The following PTPRM variants were observed in gnomAD, a reference collection of about 807,000 sequenced individuals.
PTPRM encodes the protein protein tyrosine phosphatase receptor type M.
In PTPRM, 47 loss-of-function variants were observed where a neutral mutation model predicts 186.7. The observed-to-expected ratio is 0.25, with a 90% CI of 0.20 to 0.32. The LOEUF is 0.32. Among genes scored for constraint, PTPRM ranks in the 10% least tolerant of loss-of-function variants. The pLI, the probability that PTPRM is intolerant of heterozygous loss-of-function variation, is 1.00. For synonymous variants in PTPRM, 668 were observed against 674.9 expected (o/e 0.99, Z 0.16); for missense variants, 1,494 against 1,865.0 (o/e 0.80, Z 3.66).
At chr18:7,802,376 GGACGGTAAA>G (rs1285265548) in intron 2 of PTPRM, among the ~76,000 whole-genome samples, 1 of 152,158 alleles carries the variant, frequency 6.6e-6, no homozygotes. Flanking sequence ...TAAGGGCAGA[GGACGGTAAA>G]GATGATGCCA....
intron 13 of PTPRM, 145 bp downstream of exon 13, chr18:8,114,972 T>C (rs2091899888): frequency 1.6e-6 from 1 of 618,444 alleles, no homozygotes. Flanking sequence ...CATGAATGCA[T>C]GTATGTATTA....
At position 8,088,756 on chromosome 18, in the gene PTPRM, T is replaced by A; in HGVS notation, c.1761T>A (p.Ser587=). 1 of 1,611,262 alleles carries A rather than the reference T, an allele frequency of 6.2e-7. No homozygotes were observed. The highest frequency in any genetic ancestry group is 1.7e-5 in the Admixed American group (1 of 59,924). The change falls in exon 11 of 33, where the codon TCT becomes TCA. Residue 587 remains serine (S), a synonymous_variant. Transcript: ENST00000580170. Reference sequence around the variant, plus strand: ...CTACGCCTTTTTCCCCAGCACCCTCTATGCCAGCTTATGAACTTGAGACAC... The same window carrying A: ...CTACGCCTTTTTCCCCAGCACCCTCAATGCCAGCTTATGAACTTGAGACAC... ...NQFTTKISAP[S]MPAYELETPL...
chr18:8,262,191 C>T (rs925490637), intron 19 of PTPRM, among the ~76,000 whole-genome samples: 3 of 152,214 alleles, frequency 2.0e-5, no homozygotes, highest in African/African-American at 7.2e-5. Context: ...CTCTCCCCTC[C>T]CCTAGGGCCT....
At chr18:8,153,304 C>A (rs2093052379) in intron 14 of PTPRM, among the ~76,000 whole-genome samples, 1 of 152,144 alleles carries the variant, frequency 6.6e-6, no homozygotes, top group South Asian at 2.1e-4. Flanking sequence ...ACTAATCCTC[C>A]AAGGGTCTAT....
chr18:7,975,740 A>G (rs959886818), intron 7 of PTPRM, among the ~76,000 whole-genome samples: 20 of 152,238 alleles, frequency 1.3e-4, no homozygotes, highest in African/African-American at 4.8e-4. Context: ...AACATGGTGT[A>G]TATGTCTGTG....
chr18:7,702,999 A>G (rs2039999130), intron 1 of PTPRM, among the ~76,000 whole-genome samples: 1 of 152,048 alleles, frequency 6.6e-6, no homozygotes, highest in Non-Finnish European at 1.5e-5. Flanking sequence ...GTTGTGTGGT[A>G]TTATTTCTGA....
intron 3 of PTPRM, among the ~76,000 whole-genome samples, chr18:7,894,443 G>A (rs943672342): frequency 5.9e-5 from 9 of 151,586 alleles, no homozygotes; most frequent in Admixed American, 1.3e-4. Flanking sequence ...AAAAATTAGC[G>A]GGCGTGGTGG....
chr18:7,857,071 T>C (rs1361616912), intron 2 of PTPRM, among the ~76,000 whole-genome samples: 13 of 152,214 alleles, frequency 8.5e-5, no homozygotes, highest in Admixed American at 8.5e-4. Flanking sequence ...ATGCCATCTC[T>C]TCTGGGAAAC....
intron 1 of PTPRM, among the ~76,000 whole-genome samples, chr18:7,649,842 C>A (rs1167746338): frequency 1.5e-5 from 2 of 130,394 alleles, no homozygotes; most frequent in Non-Finnish European, 3.0e-5. Flanking sequence ...CAAGGCAAGA[C>A]CTTCCACCAC....
chr18:7,950,062 G>GT (rs959407576), intron 6 of PTPRM, among the ~76,000 whole-genome samples: 9 of 152,112 alleles, frequency 5.9e-5, no homozygotes, highest in Middle Eastern at 3.2e-3. Flanking sequence ...AGCCATTGCT[G>GT]TTTTTCCTAG....
At chr18:8,170,222 G>A (rs141865420) in intron 14 of PTPRM, among the ~76,000 whole-genome samples, 7 of 152,260 alleles carry the variant, frequency 4.6e-5, no homozygotes, top group Non-Finnish European at 7.4e-5. Flanking sequence ...GAGGATATCT[G>A]TATTTTTCTG....
At chr18:8,054,866 G>T (rs2087804042) in intron 7 of PTPRM, among the ~76,000 whole-genome samples, 1 of 151,900 alleles carries the variant, frequency 6.6e-6, no homozygotes, top group Non-Finnish European at 1.5e-5. Context: ...GCTTTATTTT[G>T]TCTTGATCCT....
intron 1 of PTPRM, among the ~76,000 whole-genome samples, chr18:7,633,720 G>A (rs532483420): frequency 3.9e-5 from 6 of 152,050 alleles, no homozygotes; most frequent in African/African-American, 2.4e-5. Flanking sequence ...CCTCCGCATC[G>A]CAGGAAAGGA....
At chr18:8,398,555 C>T in intron 32 of PTPRM, among the ~76,000 whole-genome samples, 1 of 152,168 alleles carries the variant, frequency 6.6e-6, no homozygotes, top group South Asian at 2.1e-4. Flanking sequence ...CACCTGAGGT[C>T]AGGAGTTTGA....
intron 7 of PTPRM, among the ~76,000 whole-genome samples, chr18:7,983,654 C>T (rs192295013): frequency 6.6e-6 from 1 of 152,266 alleles, no homozygotes; most frequent in East Asian, 1.9e-4. Flanking sequence ...ATTTAAGTAA[C>T]TGCTCCTAGT....
intron 11 of PTPRM, among the ~76,000 whole-genome samples, chr18:8,092,820 A>G (rs1235576058): frequency 6.6e-6 from 1 of 152,152 alleles, no homozygotes; most frequent in African/African-American, 2.4e-5. Flanking sequence ...AAATTAAAAA[A>G]CAAAAACAAA....
intron 1 of PTPRM, among the ~76,000 whole-genome samples, chr18:7,728,824 T>A (rs2040599376): frequency 6.6e-6 from 1 of 152,246 alleles, no homozygotes; most frequent in South Asian, 2.1e-4. Context: ...CCTAGACTAT[T>A]TGTAAACTCT....
At chr18:7,909,361 C>T (rs1427997775) in intron 4 of PTPRM, among the ~76,000 whole-genome samples, 2 of 152,144 alleles carry the variant, frequency 1.3e-5, no homozygotes, top group African/African-American at 4.8e-5. Context: ...TGTGAGGGCA[C>T]AGAATTGCAA....
At chr18:7,589,364 C>G (rs1342059131) in intron 1 of PTPRM, among the ~76,000 whole-genome samples, 1 of 152,302 alleles carries the variant, frequency 6.6e-6, no homozygotes, top group African/African-American at 2.4e-5. Flanking sequence ...TCTACCTGAT[C>G]CTAGCACAGA....
Sources: allele counts gnomAD v4.1 joint callset (sites outside exome capture counted in the v4.1 genomes callset), GRCh38; gene constraint gnomAD v4.1.1; transcripts MANE v1.5; gene names NCBI Gene and HGNC (gene_info 2026-07-23, HGNC 2026-07-21).